Variants in LUZP2 observed in about 807,000 individuals in gnomAD.
LUZP2 encodes leucine zipper protein 2.
In LUZP2, 52 loss-of-function variants were observed where a neutral mutation model predicts 51.6. The ratio of observed to expected loss-of-function variants is 1.01; its 90% CI spans 0.81 to 1.27. The LOEUF is 1.27. Ranked by LOEUF, LUZP2 falls within the 50% of genes most tolerant of loss-of-function variation. LUZP2 has a pLI of 0.00. For missense variants in LUZP2, 436 were observed against 395.4 expected (o/e 1.10, Z -0.87); for synonymous variants, 154 against 137.3 (o/e 1.12, Z -0.85).
intron 1 of LUZP2, among the ~76,000 whole-genome samples, chr11:24,721,227 G>A (rs1400538154): frequency 6.6e-6 from 1 of 152,048 alleles, no homozygotes; most frequent in Admixed American, 6.6e-5. Flanking sequence ...GGAATTGTTA[G>A]CAAATAATAA....
intron 1 of LUZP2, among the ~76,000 whole-genome samples, chr11:24,531,413 T>C (rs73429180): frequency 0.011 from 1,612 of 151,052 alleles, 30 homozygotes; most frequent in African/African-American, 0.036. Flanking sequence ...TATCATCTCA[T>C]TTATCATTTC....
intron 1 of LUZP2, among the ~76,000 whole-genome samples, chr11:24,698,322 A>G (rs548263293): frequency 1.9e-4 from 29 of 152,310 alleles, no homozygotes; most frequent in Admixed American, 8.5e-4. Flanking sequence ...TATTAATTTA[A>G]TGAAATACTT....
chr11:24,790,524 C>T, intron 5 of LUZP2, among the ~76,000 whole-genome samples: 1 of 151,870 alleles, frequency 6.6e-6, no homozygotes, highest in East Asian at 1.9e-4. Flanking sequence ...TTTTCTGAGA[C>T]AGATTATTGC....
chr11:24,523,110 T>C (rs1008466637), intron 1 of LUZP2, among the ~76,000 whole-genome samples: 2 of 152,050 alleles, frequency 1.3e-5, no homozygotes, highest in African/African-American at 4.8e-5. Context: ...ACTTGCTTTC[T>C]GTCAGCATCT....
chr11:24,672,220 C>T (rs1222994003), intron 1 of LUZP2, among the ~76,000 whole-genome samples: 1 of 152,072 alleles, frequency 6.6e-6, no homozygotes, highest in African/African-American at 2.4e-5. Context: ...AGATTTTCTA[C>T]TGAAACATTT....
At chr11:24,569,696 C>CCTAA (rs74426782) in intron 1 of LUZP2, among the ~76,000 whole-genome samples, 87,444 of 151,884 alleles carry the variant, frequency 0.58, 25,777 homozygotes, top group East Asian at 0.8. Context: ...CATTCTATAT[C>CCTAA]CTATTAATTG....
intron 5 of LUZP2, among the ~76,000 whole-genome samples, chr11:24,788,378 CG>C (rs1394008452): frequency 6.6e-6 from 1 of 151,338 alleles, no homozygotes; most frequent in Non-Finnish European, 1.5e-5. Context: ...TTAGTAGAGA[CG>C]GGGTTTCACC....
intron 1 of LUZP2, among the ~76,000 whole-genome samples, chr11:24,563,635 T>A (rs1442349219): frequency 6.6e-6 from 1 of 152,174 alleles, no homozygotes; most frequent in Non-Finnish European, 1.5e-5. Flanking sequence ...TATGTTAACA[T>A]GGATTCCTGG....
Position 25,026,561 on chromosome 11 carries a change from A to G in LUZP2, c.766-23477A>G, listed in dbSNP as rs567184353. Among the ~76,000 whole-genome samples the G allele has an allele frequency of 7.2e-5, 11 of 152,244 alleles. No individual in the cohort carries two copies. The South Asian group carries it at 8.3e-4, about 11-fold the overall frequency. ...TTATTTTTTTCTAATTAATTTTTAC[A>G]AATGTCCAGTATTAGCATTGACTAA... On this transcript the variant is annotated intron_variant, in intron 9 of 11. Transcript: ENST00000336930.
At chr11:25,072,364 T>A (rs1401110675) in intron 10 of LUZP2, among the ~76,000 whole-genome samples, 1 of 152,080 alleles carries the variant, frequency 6.6e-6, no homozygotes, top group Non-Finnish European at 1.5e-5. Flanking sequence ...AGTGCCTGGC[T>A]CATAATAGAA....
chr11:24,922,912 G>A (rs887313658), intron 7 of LUZP2, among the ~76,000 whole-genome samples: 9 of 127,246 alleles, frequency 7.1e-5, no homozygotes, highest in South Asian at 2.7e-4. Flanking sequence ...GCAGTGGCAC[G>A]ATCTCGGCTT....
intron 1 of LUZP2, among the ~76,000 whole-genome samples, chr11:24,559,058 A>G (rs1168540009): frequency 2.6e-5 from 4 of 152,338 alleles, no homozygotes; most frequent in Non-Finnish European, 5.9e-5. Flanking sequence ...ACTATAGCAT[A>G]TAAATAACTG....
chr11:24,971,947 A>G (rs1023497958), intron 7 of LUZP2, among the ~76,000 whole-genome samples: 5 of 151,956 alleles, frequency 3.3e-5, no homozygotes, highest in East Asian at 3.9e-4. Context: ...CGAGACCAGC[A>G]TGGCCACCAT....
chr11:24,533,907 C>A (rs990482029), intron 1 of LUZP2, among the ~76,000 whole-genome samples: 8 of 151,214 alleles, frequency 5.3e-5, no homozygotes, highest in African/African-American at 1.5e-4. Context: ...TCTCTATCTC[C>A]TCAACATGAC....
chr11:24,589,178 A>G (rs1853175513), intron 1 of LUZP2, among the ~76,000 whole-genome samples: 1 of 151,976 alleles, frequency 6.6e-6, no homozygotes, highest in Non-Finnish European at 1.5e-5. Context: ...TCATTCCTAG[A>G]TCTCTAATTG....
chr11:24,515,309 G>T (rs1338379917), intron 1 of LUZP2, among the ~76,000 whole-genome samples: 1 of 152,148 alleles, frequency 6.6e-6, no homozygotes, highest in African/African-American at 2.4e-5. Flanking sequence ...TCCTACAGAA[G>T]TTTAGTCTAC....
intron 1 of LUZP2, among the ~76,000 whole-genome samples, chr11:24,701,043 G>C (rs1398017178): frequency 6.6e-6 from 1 of 152,152 alleles, no homozygotes; most frequent in African/African-American, 2.4e-5. Context: ...AGGAAAATGT[G>C]GTAGTATGGC....
chr11:24,516,687 G>A (rs73429133), intron 1 of LUZP2, among the ~76,000 whole-genome samples: 15,153 of 152,192 alleles, frequency 0.1, 1,122 homozygotes, highest in African/African-American at 0.21. Context: ...ATGAAGATCA[G>A]CCCTGAAGAG....
rs60052629 is a variant in LUZP2 at position 25,030,912 on chromosome 11, A to T, written c.766-19126A>T. Among the ~76,000 whole-genome samples, 13 of 18,282 alleles carry T rather than the reference A, an allele frequency of 7.1e-4. 1 individual carries two copies. The highest frequency in any genetic ancestry group is 3.2e-3 in the South Asian group (2 of 626). 12.0% of individuals were successfully genotyped at this position (18,282 alleles called of 152,430 possible). On this transcript the variant is annotated intron_variant, in intron 9 of 11. Coordinates refer to ENST00000336930, the MANE Select transcript of LUZP2 (RefSeq NM_001009909.4). ...TATATTATATATATATATAATATATATTGTATTATATATATATAATATATA... is the reference window on the plus strand; with the variant it reads ...TATATTATATATATATATAATATATTTTGTATTATATATATATAATATATA...
Sources: gnomAD v4.1 joint callset for allele counts (sites outside exome capture counted in the v4.1 genomes callset) on GRCh38, gnomAD v4.1.1 for gene constraint, MANE v1.5 for transcripts, NCBI Gene and HGNC (gene_info 2026-07-23, HGNC 2026-07-21) for gene names.